Variants in ADAM12 observed in about 807,000 individuals in gnomAD.
ADAM12 encodes the protein ADAM metallopeptidase domain 12.
ADAM12 carries 70 observed loss-of-function variants against 106.4 expected under a neutral mutation model. That is an observed-to-expected ratio of 0.66 (90% CI 0.54 to 0.80). ADAM12 has a LOEUF of 0.80. ADAM12 is among the 30% of genes least tolerant of loss of function. The pLI is 0.00. For missense variants in ADAM12, 1,010 were observed against 1,171.9 expected (o/e 0.86, Z 2.02); for synonymous variants, 420 against 433.5 (o/e 0.97, Z 0.39).
intron 3 of ADAM12, among the ~76,000 whole-genome samples, chr10:126,243,908 C>T (rs1032900234): frequency 7.2e-5 from 11 of 152,158 alleles, no homozygotes; most frequent in South Asian, 2.1e-4. Context: ...CCTCTATACG[C>T]TTTTAACAAT....
At position 126,093,994 on chromosome 10, in the gene ADAM12, G is replaced by T; in HGVS notation, c.1136C>A (p.Ala379Asp). Residue 379 changes from alanine to aspartate, a missense_variant, in exon 11 of 23, where the codon GCT becomes GAT. This residue lies in a region of ADAM12 where 615 missense variants were observed against 708.5 expected (regional missense o/e 0.87). Coordinates refer to ENST00000448723, the MANE Select transcript of ADAM12 (RefSeq NM_001288973.2). ...AVEKGGCIMNASTGYPFPMVF... is the reference protein window; with the variant it reads ...AVEKGGCIMNDSTGYPFPMVF... ...AAGCAATGGTACTTGCCCGGTGGAAGCGTTCATGATGCAGCCTCCTTTCTC... is the reference window on the plus strand; with the variant it reads ...AAGCAATGGTACTTGCCCGGTGGAATCGTTCATGATGCAGCCTCCTTTCTC... 6.2e-7 allele frequency: 1 copy of T among 1,614,174 alleles called. No homozygotes were observed. The highest frequency in any genetic ancestry group is 8.5e-7 in the Non-Finnish European group (1 of 1,180,014).
intron 3 of ADAM12, among the ~76,000 whole-genome samples, chr10:126,201,337 C>G (rs1957696390): frequency 6.6e-6 from 1 of 152,092 alleles, no homozygotes; most frequent in African/African-American, 2.4e-5. Context: ...AGAGAGGAGG[C>G]TGCCATGAGA....
At chr10:126,163,569 ACTTTAACTTTACC>A (rs151170563) in intron 3 of ADAM12, among the ~76,000 whole-genome samples, 2,801 of 152,294 alleles carry the variant, frequency 0.018, 98 homozygotes, top group African/African-American at 0.064. Context: ...AAATTATCCA[ACTTTAACTTTACC>A]CTTATATAAT....
chr10:126,333,515 G>C (rs1854592930), intron 1 of ADAM12, among the ~76,000 whole-genome samples: 1 of 152,210 alleles, frequency 6.6e-6, no homozygotes. Flanking sequence ...TAGTCGAACT[G>C]TTTGCAGGTG....
chr10:126,347,244 G>T (rs192508862), intron 1 of ADAM12, among the ~76,000 whole-genome samples: 7 of 152,052 alleles, frequency 4.6e-5, no homozygotes, highest in Non-Finnish European at 7.4e-5. Flanking sequence ...CAGCATTTGC[G>T]TGTCTGTAAA....
intron 5 of ADAM12, among the ~76,000 whole-genome samples, chr10:126,127,025 C>T (rs74159812): frequency 0.059 from 8,971 of 152,240 alleles, 600 homozygotes; most frequent in East Asian, 0.15. Context: ...GGCAAAACCA[C>T]CGTGGCTGGT....
At chr10:126,258,950 C>T (rs1958946584) in intron 3 of ADAM12, among the ~76,000 whole-genome samples, 1 of 152,144 alleles carries the variant, frequency 6.6e-6, no homozygotes, top group Non-Finnish European at 1.5e-5. Flanking sequence ...GGGCTGTTTC[C>T]CCCCTGTTCC....
intron 3 of ADAM12, among the ~76,000 whole-genome samples, chr10:126,268,884 A>AGG (rs772878863): frequency 2.0e-5 from 3 of 152,188 alleles, no homozygotes; most frequent in African/African-American, 4.8e-5. Context: ...ACCCCAAAAG[A>AGG]GGGTTCTTGG....
At chr10:126,113,675 A>C (rs1590430205) in intron 6 of ADAM12, among the ~76,000 whole-genome samples, 1 of 57,396 alleles carries the variant, frequency 1.7e-5, no homozygotes, top group Non-Finnish European at 3.0e-5. Context: ...AAAAAAAAAA[A>C]AAAAAAAAAA....
intron 14 of ADAM12, among the ~76,000 whole-genome samples, chr10:126,062,280 A>C (rs1463731064): frequency 9.2e-5 from 14 of 152,150 alleles, no homozygotes; most frequent in Non-Finnish European, 1.5e-5. Context: ...TGCAGTGGCC[A>C]CACACGACAC....
intron 12 of ADAM12, among the ~76,000 whole-genome samples, chr10:126,069,958 T>C (rs1048637302): frequency 6.6e-6 from 1 of 152,092 alleles, no homozygotes; most frequent in African/African-American, 2.4e-5. Flanking sequence ...ACGAAATCAT[T>C]CCAAACCCGA....
At chr10:126,380,722 G>T (rs1414167002) in intron 1 of ADAM12, among the ~76,000 whole-genome samples, 1 of 152,192 alleles carries the variant, frequency 6.6e-6, no homozygotes, top group African/African-American at 2.4e-5. Context: ...ACATTGTCTA[G>T]ATTATACCAA....
At chr10:126,097,343 C>T (rs1164060212) in intron 10 of ADAM12, among the ~76,000 whole-genome samples, 1 of 152,150 alleles carries the variant, frequency 6.6e-6, no homozygotes, top group African/African-American at 2.4e-5. Context: ...ACCACTCAAG[C>T]CAGAAATCCA....
In ADAM12 at chr10:126,066,953, T is replaced by C. The variant is rs7084322; in HGVS notation, c.1324-147A>G. 103,950 of 741,676 alleles carry C rather than the reference T, an allele frequency of 0.14. 8,558 individuals carry two copies. Among genetic ancestry groups the C allele is most frequent in the Admixed American group, 0.29 (11,922 of 41,178 alleles). The allele number at this position is 741,676 out of a possible 1,614,324, so 45.9% of individuals were successfully genotyped here. ...CTGCACACCTGCCTGTTTCCGTCTG[T>C]TAGGAAAGCAAAGCTTCTGCTTTTT... is the stretch of plus-strand genomic sequence containing the variant. On this transcript the variant is annotated intron_variant, in intron 12 of 22. Transcript: ENST00000448723. This position sits in a 1 kb window ranked among gnomAD's most constrained non-coding sequence, Gnocchi z 5.1.
chr10:126,277,321 A>G (rs957428683), intron 3 of ADAM12, among the ~76,000 whole-genome samples: 6 of 152,064 alleles, frequency 3.9e-5, no homozygotes, highest in Admixed American at 3.9e-4. Flanking sequence ...TGCAGTCGTA[A>G]TGCTCCATAA....
At chr10:126,147,305 A>G (rs1467375590) in intron 4 of ADAM12, among the ~76,000 whole-genome samples, 2 of 152,120 alleles carry the variant, frequency 1.3e-5, no homozygotes, top group South Asian at 4.1e-4. Flanking sequence ...CCTGGGCTTC[A>G]GGCTGTTCCA....
At chr10:126,141,153 C>T (rs932576434) in intron 4 of ADAM12, among the ~76,000 whole-genome samples, 5 of 152,232 alleles carry the variant, frequency 3.3e-5, no homozygotes, top group Admixed American at 6.5e-5. Context: ...GAGGGGCTTG[C>T]ACCCCAGGGC....
chr10:126,085,760 A>G (rs769992501), intron 11 of ADAM12, among the ~76,000 whole-genome samples: 3 of 152,182 alleles, frequency 2.0e-5, no homozygotes, highest in African/African-American at 7.2e-5. Flanking sequence ...CCATCCATGC[A>G]TCCATCATCC....
intron 11 of ADAM12, among the ~76,000 whole-genome samples, chr10:126,076,009 T>C (rs1403661798): frequency 4.6e-5 from 7 of 152,142 alleles, no homozygotes; most frequent in Non-Finnish European, 1.0e-4. Context: ...GATGCTGGGG[T>C]CTGGGGTCCT....
Sources: allele counts gnomAD v4.1 joint callset (sites outside exome capture counted in the v4.1 genomes callset), GRCh38; gene constraint gnomAD v4.1.1; regional missense constraint gnomAD v4.1.1; non-coding constraint Gnocchi (gnomAD v3.1); transcripts MANE v1.5; gene names NCBI Gene and HGNC (gene_info 2026-07-23, HGNC 2026-07-21).